Variants in PPP1R9A observed in about 807,000 individuals in gnomAD.
PPP1R9A encodes the protein protein phosphatase 1 regulatory subunit 9A.
In PPP1R9A, 59 loss-of-function variants were observed where a neutral mutation model predicts 141.9. The ratio of observed to expected loss-of-function variants is 0.42; its 90% confidence interval spans 0.34 to 0.52. The LOEUF (loss-of-function observed/expected upper bound fraction) is 0.52, where lower values mean the gene tolerates loss of function less well. PPP1R9A is among the 20% of genes least tolerant of loss of function. PPP1R9A has a pLI of 0.10. For missense variants in PPP1R9A, 1,444 were observed against 1,611.9 expected (o/e 0.90, Z 1.78); for synonymous variants, 500 against 569.7 (o/e 0.88, Z 1.74).
At chr7:95,064,102 T>G (rs1812631389) in intron 2 of PPP1R9A, among the ~76,000 whole-genome samples, 1 of 152,322 alleles carries the variant, frequency 6.6e-6, no homozygotes. Context: ...TTGCTGTTAT[T>G]TAAGTTCTGT....
At chr7:95,257,295 T>A (rs1233265259) in intron 12 of PPP1R9A, among the ~76,000 whole-genome samples, 1 of 152,098 alleles carries the variant, frequency 6.6e-6, no homozygotes, top group Non-Finnish European at 1.5e-5. Flanking sequence ...ACTGACACAT[T>A]TATGTCAGTT....
chr7:95,097,110 G>A (rs547252759), intron 2 of PPP1R9A, among the ~76,000 whole-genome samples: 7 of 151,760 alleles, frequency 4.6e-5, no homozygotes, highest in Admixed American at 3.3e-4. Context: ...TACTGCAACC[G>A]CCTCCCAGAT....
At chr7:94,950,457 T>C (rs1159855265) in intron 2 of PPP1R9A, among the ~76,000 whole-genome samples, 2 of 152,094 alleles carry the variant, frequency 1.3e-5, no homozygotes, top group African/African-American at 4.8e-5. Flanking sequence ...ATAAGAGAGC[T>C]CTTCTTAGCC....
intron 12 of PPP1R9A, among the ~76,000 whole-genome samples, chr7:95,252,485 T>C (rs1458150222): frequency 1.3e-5 from 2 of 148,842 alleles, no homozygotes; most frequent in African/African-American, 2.5e-5. Context: ...TTTTTTTTTT[T>C]TTTTGAGAGT....
At chr7:95,063,747 A>C (rs992675907) in intron 2 of PPP1R9A, among the ~76,000 whole-genome samples, 1 of 152,206 alleles carries the variant, frequency 6.6e-6, no homozygotes, top group East Asian at 1.9e-4. Context: ...ATGAATGTGG[A>C]TGATTCTCAT....
intron 3 of PPP1R9A, among the ~76,000 whole-genome samples, chr7:95,117,978 G>T (rs938937514): frequency 1.3e-5 from 2 of 152,134 alleles, no homozygotes; most frequent in African/African-American, 4.8e-5. Flanking sequence ...AAACACTATG[G>T]GAAGGCTTTC....
At chr7:94,967,540 G>T (rs1007407333) in intron 2 of PPP1R9A, among the ~76,000 whole-genome samples, 7 of 152,120 alleles carry the variant, frequency 4.6e-5, no homozygotes, top group Non-Finnish European at 8.8e-5. Flanking sequence ...TGGTTTCAAA[G>T]AACTTATTTA....
intron 2 of PPP1R9A, among the ~76,000 whole-genome samples, chr7:95,049,162 A>G (rs1810442169): frequency 6.6e-6 from 1 of 152,326 alleles, no homozygotes; most frequent in Admixed American, 6.5e-5. Context: ...AGAGATATGC[A>G]TAGGAGTATG....
chr7:95,063,475 G>T (rs1812527667), intron 2 of PPP1R9A, among the ~76,000 whole-genome samples: 1 of 152,106 alleles, frequency 6.6e-6, no homozygotes, highest in South Asian at 2.1e-4. Context: ...TGAGACAAGA[G>T]AATCACTTGA....
intron 2 of PPP1R9A, among the ~76,000 whole-genome samples, chr7:94,935,467 GC>G (rs532415019): frequency 1.1e-3 from 171 of 152,210 alleles, no homozygotes; most frequent in South Asian, 2.5e-3. Context: ...AAATCATAAA[GC>G]TATTAACGTA....
chr7:95,050,486 G>A (rs918234430), intron 2 of PPP1R9A, among the ~76,000 whole-genome samples: 5 of 152,144 alleles, frequency 3.3e-5, no homozygotes, highest in African/African-American at 1.2e-4. Flanking sequence ...CCAGCACTTT[G>A]GGAGTCTGAG....
At chr7:94,927,153 A>T (rs555025342) in intron 2 of PPP1R9A, among the ~76,000 whole-genome samples, 51 of 152,256 alleles carry the variant, frequency 3.3e-4, no homozygotes, top group Middle Eastern at 3.4e-3. Context: ...TTAAATGTAC[A>T]ATAATTTTTT....
At chr7:95,155,963 A>G (rs1210212040) in intron 4 of PPP1R9A, 1 of 152,312 alleles carries the variant, frequency 6.6e-6, no homozygotes, top group African/African-American at 2.4e-5. Context: ...TAGTGTCACA[A>G]GATTCTTGGG....
intron 18 of PPP1R9A, chr7:95,287,088 C>G (rs781684762): frequency 1.2e-6 from 2 of 1,606,564 alleles, no homozygotes; most frequent in Middle Eastern, 1.7e-4. Context: ...CTTCTTGATT[C>G]TTTTATTGCT....
chr7:94,993,307 C>T (rs1801750681), intron 2 of PPP1R9A, among the ~76,000 whole-genome samples: 1 of 152,030 alleles, frequency 6.6e-6, no homozygotes, highest in South Asian at 2.1e-4. Context: ...GTTATGGTAG[C>T]TTAATAATAA....
At chr7:94,921,045 A>T (rs1280776154) in intron 2 of PPP1R9A, among the ~76,000 whole-genome samples, 1 of 152,210 alleles carries the variant, frequency 6.6e-6, no homozygotes, top group Admixed American at 6.5e-5. Flanking sequence ...ACAATCTTAA[A>T]TAGTACTCAC....
chr7:95,056,630 G>A (rs1811537099), intron 2 of PPP1R9A, among the ~76,000 whole-genome samples: 1 of 152,178 alleles, frequency 6.6e-6, no homozygotes, highest in South Asian at 2.1e-4. Flanking sequence ...AATATTGCAT[G>A]CATTGTTTGA....
intron 2 of PPP1R9A, among the ~76,000 whole-genome samples, chr7:95,110,145 T>C (rs1317800988): frequency 6.6e-6 from 1 of 152,188 alleles, no homozygotes; most frequent in Admixed American, 6.5e-5. Flanking sequence ...TCTGCTTCTA[T>C]ATATGCGTAT....
intron 8 of PPP1R9A, among the ~76,000 whole-genome samples, chr7:95,239,054 T>C (rs1296338566): frequency 6.6e-6 from 1 of 151,804 alleles, no homozygotes; most frequent in African/African-American, 2.4e-5. Context: ...CAAGTTTTTC[T>C]TTTTTTGAAT....
Sources: gnomAD v4.1 joint callset for allele counts (sites outside exome capture counted in the v4.1 genomes callset) on GRCh38, gnomAD v4.1.1 for gene constraint, MANE v1.5 for transcripts, NCBI Gene and HGNC (gene_info 2026-07-23, HGNC 2026-07-21) for gene names.